Variants in CSMD1 observed in about 807,000 individuals in gnomAD.
CSMD1 encodes CUB and sushi domain-containing protein 1.
CSMD1 carries 213 observed loss-of-function variants against 417.5 expected under a neutral mutation model. The ratio of observed to expected loss-of-function variants is 0.51; its 90% CI spans 0.46 to 0.57. The LOEUF (loss-of-function observed/expected upper bound fraction) is 0.57, where lower values mean the gene tolerates loss of function less well. CSMD1 is among the 20% of genes least tolerant of loss of function. CSMD1 has a pLI of 0.00. For missense variants in CSMD1, 6,923 were observed against 4,529.7 expected, an observed-to-expected ratio of 1.53 and a Z score of -15.17; for synonymous variants, 2,862 against 1,736.8, an observed-to-expected ratio of 1.65 and a Z score of -16.11.
At chr8:4,438,884 T>G (rs1180125371) in intron 2 of CSMD1, among the ~76,000 whole-genome samples, 5 of 152,208 alleles carry the variant, frequency 3.3e-5, no homozygotes, top group Non-Finnish European at 7.3e-5. Context: ...AGCATTAGAT[T>G]ACCAAAGACC....
chr8:3,751,746 A>G (rs935700647), intron 6 of CSMD1, among the ~76,000 whole-genome samples: 1 of 152,018 alleles, frequency 6.6e-6, no homozygotes. Flanking sequence ...CAAAGTTGAT[A>G]TTCCATTTTT....
intron 49 of CSMD1, among the ~76,000 whole-genome samples, chr8:3,076,443 C>CT (rs1357717181): frequency 1.3e-5 from 1 of 77,918 alleles, no homozygotes; most frequent in Non-Finnish European, 2.7e-5. Flanking sequence ...AGTTAGGACT[C>CT]TAACGTACTT....
chr8:3,089,712 T>C (rs529706559), intron 48 of CSMD1, among the ~76,000 whole-genome samples: 13 of 151,636 alleles, frequency 8.6e-5, no homozygotes, highest in South Asian at 2.1e-4. Context: ...AAGAATTTTT[T>C]ATATTCACAT....
chr8:3,281,144 A>T (rs1486582624), intron 26 of CSMD1, among the ~76,000 whole-genome samples: 1 of 152,144 alleles, frequency 6.6e-6, no homozygotes, highest in Non-Finnish European at 1.5e-5. Flanking sequence ...GTCCTTCAAT[A>T]AGAAAATGGG....
chr8:4,008,975 G>T (rs17068527), intron 4 of CSMD1, among the ~76,000 whole-genome samples: 1 of 152,034 alleles, frequency 6.6e-6, no homozygotes, highest in South Asian at 2.1e-4. Flanking sequence ...TTTACAAACA[G>T]CAAAATCGTC....
chr8:3,287,177 G>A (rs961609216), intron 25 of CSMD1, among the ~76,000 whole-genome samples: 46 of 139,034 alleles, frequency 3.3e-4, no homozygotes, highest in Non-Finnish European at 6.7e-4. Flanking sequence ...TGTTCCATTG[G>A]TCTCTATCTC....
At chr8:3,256,721 C>G (rs569280686) in intron 26 of CSMD1, among the ~76,000 whole-genome samples, 1 of 152,170 alleles carries the variant, frequency 6.6e-6, no homozygotes, top group African/African-American at 2.4e-5. Context: ...GAAAGTCCAC[C>G]TTTGATGTCT....
At chr8:3,907,724 T>C (rs1279391007) in intron 5 of CSMD1, among the ~76,000 whole-genome samples, 2 of 152,138 alleles carry the variant, frequency 1.3e-5, no homozygotes, top group African/African-American at 2.4e-5. Context: ...CTGAGAAGTG[T>C]TATGTGAGTA....
intron 10 of CSMD1, among the ~76,000 whole-genome samples, chr8:3,557,879 C>T (rs1169367527): frequency 7.2e-5 from 11 of 152,142 alleles, no homozygotes; most frequent in African/African-American, 2.7e-4. Flanking sequence ...ATTGGTTCAG[C>T]ATTTGGATCA....
intron 2 of CSMD1, among the ~76,000 whole-genome samples, chr8:4,482,773 T>C (rs1801167561): frequency 6.6e-6 from 1 of 152,184 alleles, no homozygotes; most frequent in Non-Finnish European, 1.5e-5. Flanking sequence ...TTTTGACTTG[T>C]TTAAAATAGC....
intron 7 of CSMD1, among the ~76,000 whole-genome samples, chr8:3,655,180 C>T (rs1233962113): frequency 6.6e-6 from 1 of 152,188 alleles, no homozygotes; most frequent in Admixed American, 6.5e-5. Flanking sequence ...ACAGGGAACA[C>T]AGATTATTTT....
intron 1 of CSMD1, among the ~76,000 whole-genome samples, chr8:4,756,827 C>A (rs1057335203): frequency 2.0e-5 from 3 of 152,090 alleles, no homozygotes; most frequent in African/African-American, 4.8e-5. Flanking sequence ...AGAGCTGGGC[C>A]CAGGTATAAC....
chr8:3,056,685 G>A (rs1307684462), intron 49 of CSMD1, among the ~76,000 whole-genome samples: 1 of 151,810 alleles, frequency 6.6e-6, no homozygotes, highest in Admixed American at 6.6e-5. Flanking sequence ...GAGGATTTCT[G>A]AGGATTTTTA....
chr8:4,640,729 G>A (rs1009501235), intron 1 of CSMD1, among the ~76,000 whole-genome samples: 9 of 151,950 alleles, frequency 5.9e-5, no homozygotes, highest in Non-Finnish European at 8.8e-5. Flanking sequence ...TGTTTAACAT[G>A]AATCCCTTGT....
intron 1 of CSMD1, among the ~76,000 whole-genome samples, chr8:4,980,186 A>G (rs570014957): frequency 6.6e-6 from 1 of 152,380 alleles, no homozygotes; most frequent in Non-Finnish European, 1.5e-5. Context: ...CACCAGTGAC[A>G]GCTCTCAGCC....
intron 1 of CSMD1, among the ~76,000 whole-genome samples, chr8:4,658,962 A>G (rs966241681): frequency 1.3e-5 from 2 of 152,196 alleles, no homozygotes; most frequent in Non-Finnish European, 2.9e-5. Flanking sequence ...TGTGAATTGT[A>G]ATGTCTGTGG....
At chr8:4,712,532 T>G (rs905867243) in intron 1 of CSMD1, among the ~76,000 whole-genome samples, 1 of 152,136 alleles carries the variant, frequency 6.6e-6, no homozygotes, top group African/African-American at 2.4e-5. Flanking sequence ...TATCCCTTTA[T>G]CAGAGCAAAG....
intron 55 of CSMD1, among the ~76,000 whole-genome samples, chr8:2,975,512 G>T (rs956271201): frequency 6.6e-6 from 1 of 152,198 alleles, no homozygotes; most frequent in South Asian, 2.1e-4. Flanking sequence ...AGATTTGAAC[G>T]CCTGGAAGCC....
Position 4,427,536 on chromosome 8 carries a change from G to C in CSMD1, c.303-7471C>G, listed in dbSNP as rs918570275. On this transcript the variant is annotated intron_variant, in intron 2 of 69. Transcript: ENST00000635120. ...ACATGCACACTCAAACACACACAGT[G>C]AATCATGTGAGTATATATACATCTT... Among the ~76,000 whole-genome samples the C allele has an allele frequency of 4.6e-5, 7 of 151,918 alleles. No individual in the cohort carries two copies. The East Asian group carries it at 9.7e-4, about 21-fold the overall frequency.
Sources: gnomAD v4.1 joint callset for allele counts (sites outside exome capture counted in the v4.1 genomes callset) on GRCh38, gnomAD v4.1.1 for gene constraint, MANE v1.5 for transcripts, NCBI Gene and HGNC (gene_info 2026-07-23, HGNC 2026-07-21) for gene names.